WDR62: variants seen among roughly 807,000 people sequenced by gnomAD.
WDR62 encodes WD repeat domain 62.
A neutral mutation model predicts 160.6 loss-of-function variants in WDR62; 112 were observed. That is an observed-to-expected ratio of 0.70 (90% CI 0.60 to 0.82). WDR62 has a LOEUF of 0.82. Among genes scored for constraint, WDR62 ranks in the 40% least tolerant of loss-of-function variants. WDR62 has a pLI of 0.00. For synonymous variants in WDR62, 792 were observed against 815.1 expected (o/e 0.97, Z 0.48); for missense variants, 1,819 against 1,983.8 (o/e 0.92, Z 1.58).
chr19:36,098,688 G>A (rs1490439419), intron 21 of WDR62, among the ~76,000 whole-genome samples: 1 of 152,206 alleles, frequency 6.6e-6, no homozygotes, highest in Non-Finnish European at 1.5e-5. Context: ...GAATCTTTAG[G>A]AGGAGCAGGT....
intron 7 of WDR62, 131 bp from the exon 8 acceptor site, chr19:36,071,425 A>G (rs1379891209): frequency 2.5e-5 from 25 of 1,018,404 alleles, no homozygotes; most frequent in Non-Finnish European, 3.7e-5. Context: ...AAAATATGCT[A>G]AAATGGGTGT....
chr19:36,088,995 T>C, intron 13 of WDR62, 43 bp from the exon 14 acceptor site: 1 of 1,610,122 alleles, frequency 6.2e-7, no homozygotes, highest in Non-Finnish European at 8.5e-7. Context: ...CCCCTGCCCA[T>C]GTGGCCCAGC....
chr19:36,055,589 C>A (rs765002526), intron 1 of WDR62, among the ~76,000 whole-genome samples: 5 of 151,970 alleles, frequency 3.3e-5, no homozygotes, highest in African/African-American at 4.9e-5. Context: ...CCCGCCTTCT[C>A]TCACCTTCTG....
At chr19:36,101,993 C>A (rs373242549) in intron 25 of WDR62, 21 bp from the exon 26 acceptor site, 1 of 1,613,996 alleles carries the variant, frequency 6.2e-7, no homozygotes, top group Admixed American at 1.7e-5. Flanking sequence ...TCCTCTTGTC[C>A]CTCCCCTCCT....
intron 15 of WDR62, among the ~76,000 whole-genome samples, chr19:36,089,877 C>T (rs936645213): frequency 6.6e-6 from 1 of 152,220 alleles, no homozygotes; most frequent in Non-Finnish European, 1.5e-5. Context: ...CTCCCTCATT[C>T]ACCCGTATTC....
intron 2 of WDR62, 125 bp from the exon 3 acceptor site, chr19:36,059,840 GGGA>G (rs1970554433): frequency 2.4e-5 from 22 of 913,610 alleles, no homozygotes; most frequent in Non-Finnish European, 3.8e-5. Flanking sequence ...CTGGAGGAGG[GGGA>G]GGAGGAGGAG....
Position 36,055,059 on chromosome 19 carries a change from G to A in WDR62, c.88G>A (p.Gly30Ser), listed in dbSNP as rs1970276077. 1 of 1,594,122 alleles carries A rather than the reference G, an allele frequency of 6.3e-7. No homozygotes were observed. Among genetic ancestry groups the A allele is most frequent in the Admixed American group, 1.7e-5 (1 of 57,806 alleles). Residue 30 changes from glycine to serine, a missense_variant, in exon 1 of 32, where the codon GGC becomes AGC. Coordinates refer to ENST00000401500, the MANE Select transcript of WDR62 (RefSeq NM_001083961.2). ...CATGGCGGGAGTTCCGGCGCGGAGG[G>A]GCCAGTCCTCCCCGCCCCCCGCCCC... is the stretch of plus-strand genomic sequence containing the variant. ...SVMAGVPARR[G>S]QSSPPPAPPI...
rs547464069 is a variant in WDR62 at position 36,064,171 on chromosome 19, AC to A, written c.333-1783del. 1.6e-3 allele frequency among the ~76,000 whole-genome samples: 249 copies of A among 151,910 alleles called. 1 individual carries two copies. The highest frequency in any genetic ancestry group is 4.2e-3 in the Admixed American group (64 of 15,250). ...TTAGAGGTGGCTACGGGCAACAGAAACCCCTCCACAGCATGGCTTAAAACCC... is the reference window on the plus strand; with the variant it reads ...TTAGAGGTGGCTACGGGCAACAGAAACCCTCCACAGCATGGCTTAAAACCC... On this transcript the variant is annotated intron_variant, in intron 3 of 31. Transcript: ENST00000401500.
rs201053854 is a variant in WDR62 at position 36,058,791 on chromosome 19, G to T, written c.189G>T (p.Glu63Asp). 289 of 1,614,180 alleles carry T rather than the reference G, an allele frequency of 1.8e-4. No individual in the cohort carries two copies. The East Asian group carries it at 5.9e-3, about 33-fold the overall frequency. Reference protein sequence around the residue: ...EETVQNRVSLEKVLGITAQNS... With the variant: ...EETVQNRVSLDKVLGITAQNS... ...CTTTTTCTTTGCAGGTGTCACTCGA[G>T]AAGGTGCTTGGCATCACAGCCCAGA... The change falls in exon 2 of 32, where the codon GAG becomes GAT. Residue 63 changes from glutamate (E) to aspartate (D), a missense_variant. Around this residue, in one of 3 missense-constraint regions of WDR62, gnomAD observed 115 missense variants for 92.4 expected, o/e 1.24. Transcript: ENST00000401500.
At chr19:36,078,842 A>AAC (rs957672430) in intron 9 of WDR62, among the ~76,000 whole-genome samples, 9 of 151,268 alleles carry the variant, frequency 5.9e-5, no homozygotes, top group Non-Finnish European at 8.8e-5. Context: ...TCAAAAAAAA[A>AAC]AAAAAAAACA....
intron 7 of WDR62, among the ~76,000 whole-genome samples, chr19:36,069,558 G>A (rs61395704): frequency 0.01 from 1,584 of 152,320 alleles, 10 homozygotes; most frequent in South Asian, 0.041. Context: ...GGGCGGCCAG[G>A]CAGAGACGCT....
intron 9 of WDR62, among the ~76,000 whole-genome samples, chr19:36,075,720 A>G (rs1353950900): frequency 6.6e-6 from 1 of 152,252 alleles, no homozygotes. Flanking sequence ...TGCTGGGATT[A>G]CAGGCGTGAG....
intron 2 of WDR62, among the ~76,000 whole-genome samples, chr19:36,059,606 A>AT (rs1359929020): frequency 6.6e-6 from 1 of 151,768 alleles, no homozygotes; most frequent in South Asian, 2.1e-4. Flanking sequence ...CAGCCAGCTA[A>AT]TTTTTTTTAG....
downstream of WDR62, among the ~76,000 whole-genome samples, chr19:36,109,764 T>A (rs187214299): frequency 0.032 from 4,745 of 148,592 alleles, 157 homozygotes; most frequent in African/African-American, 0.092. Flanking sequence ...ACAAAAAAAA[T>A]AAAAACAGGT....
At chr19:36,060,239 G>A (rs1395889741) in intron 3 of WDR62, 9 of 610,160 alleles carry the variant, frequency 1.5e-5, no homozygotes, top group East Asian at 1.1e-4. Flanking sequence ...TGGCTAGAGC[G>A]AGACAGACTG....
At chr19:36,081,593 C>T (rs1971903484) in intron 10 of WDR62, 23 bp downstream of exon 10, 1 of 1,614,086 alleles carries the variant, frequency 6.2e-7, no homozygotes, top group Non-Finnish European at 8.5e-7. Context: ...CTTTGTGAAC[C>T]ATCTTTCAGG....
intron 7 of WDR62, chr19:36,071,143 G>A (rs187070821): frequency 7.7e-4 from 160 of 207,960 alleles, no homozygotes; most frequent in Middle Eastern, 4.0e-3. Context: ...GGTGGAAGTT[G>A]CAGTGAGCCG....
intron 10 of WDR62, 120 bp downstream of exon 10, chr19:36,081,690 C>G: frequency 7.2e-7 from 1 of 1,392,316 alleles, no homozygotes; most frequent in Non-Finnish European, 1.0e-6. Flanking sequence ...AGGGCAAGAG[C>G]CGGCAACCAA....
At chr19:36,110,387 T>C in the WDR62 span, among the ~76,000 whole-genome samples, 7 of 151,960 alleles carry the variant, frequency 4.6e-5, no homozygotes, top group African/African-American at 1.7e-4. Context: ...AGGAGAATCG[T>C]TTGAACCCGG....
Sources: allele counts gnomAD v4.1 joint callset (sites outside exome capture counted in the v4.1 genomes callset), GRCh38; gene constraint gnomAD v4.1.1; regional missense constraint gnomAD v4.1.1; transcripts MANE v1.5; gene names NCBI Gene and HGNC (gene_info 2026-07-23, HGNC 2026-07-21).